The following TNRC18 variants were observed in gnomAD, a reference collection of about 807,000 sequenced individuals.
The protein encoded by TNRC18 is trinucleotide repeat-containing gene 18 protein.
A neutral mutation model predicts 226.7 loss-of-function variants in TNRC18; 69 were observed. That is an observed-to-expected ratio of 0.30 (90% CI 0.25 to 0.37). The LOEUF is 0.37. Ranked by LOEUF, TNRC18 falls within the 10% of genes least tolerant of loss-of-function variation. TNRC18 has a pLI of 1.00. For missense variants in TNRC18, 4,754 were observed against 4,256.6 expected, an observed-to-expected ratio of 1.12 and a Z score of -3.25; for synonymous variants, 2,449 against 1,927.6, an observed-to-expected ratio of 1.27 and a Z score of -7.09.
At chr7:5,390,671 T>C (rs1353645692) in intron 3 of TNRC18, 43 bp from the exon 4 acceptor site, 1 of 1,468,820 alleles carries the variant, frequency 6.8e-7, no homozygotes, top group Non-Finnish European at 9.0e-7. Flanking sequence ...CAATTCGTGC[T>C]GCTCACCAGG....
chr7:5,336,752 A>T (rs1398513236), intron 18 of TNRC18, among the ~76,000 whole-genome samples: 1 of 152,168 alleles, frequency 6.6e-6, no homozygotes, highest in African/African-American at 2.4e-5. Flanking sequence ...AAACAACACA[A>T]AGAAATTATA....
At chr7:5,420,573 C>T (rs1782501358) in intron 2 of TNRC18, 1 of 450,176 alleles carries the variant, frequency 2.2e-6, no homozygotes, top group Middle Eastern at 3.3e-4. Context: ...CATCCCCCGG[C>T]GCTCGGTAAC....
chr7:5,368,644 G>A (rs1313751367), intron 11 of TNRC18, among the ~76,000 whole-genome samples: 4 of 16,120 alleles, frequency 2.5e-4, no homozygotes, highest in Non-Finnish European at 5.0e-4. Flanking sequence ...CAGCCTGGGT[G>A]ACAGAGTGAG....
chr7:5,348,457 C>T (rs1791434840), intron 17 of TNRC18, among the ~76,000 whole-genome samples: 1 of 152,160 alleles, frequency 6.6e-6, no homozygotes, highest in Non-Finnish European at 1.5e-5. Flanking sequence ...GCCAACTCCA[C>T]AGTCTCCTGC....
At chr7:5,375,873 C>T (rs1388463990) in intron 9 of TNRC18, among the ~76,000 whole-genome samples, 161 bp downstream of exon 9, 1 of 152,226 alleles carries the variant, frequency 6.6e-6, no homozygotes, top group East Asian at 1.9e-4. Context: ...CTCCAGGTCT[C>T]GGTTCCACTG....
chr7:5,403,248 C>T (rs1781234557), intron 2 of TNRC18, among the ~76,000 whole-genome samples: 1 of 151,756 alleles, frequency 6.6e-6, no homozygotes, highest in South Asian at 2.1e-4. Flanking sequence ...GCAACCTCTA[C>T]CTCCCGGGTT....
rs991025385 is a variant in TNRC18, at chr7:5,394,381, C to T, written c.343+59G>A. The T allele has an allele frequency of 2.1e-6, 3 of 1,448,374 alleles. No homozygotes were observed. Among genetic ancestry groups the T allele is most frequent in the South Asian group, 1.4e-5 (1 of 70,424 alleles). The allele number at this position is 1,448,374 out of a possible 1,614,324, so 89.7% of individuals were successfully genotyped here. A position where few individuals can be genotyped will look rare whatever the true frequency, so the allele number is the denominator to read the frequency against. ...ACAACAGAGGGGCACATGAAGTGGC[C>T]AGAGTGGCTGGGACGTCAGCCCAGC... On this transcript the variant is annotated intron_variant, in intron 3 of 29. Transcript: ENST00000430969. The surrounding 1 kb of genome is among the most constrained non-coding windows in gnomAD (Gnocchi z 4.5).
At chr7:5,327,134 AAAC>A (rs1562496701) in intron 19 of TNRC18, among the ~76,000 whole-genome samples, 2 of 152,310 alleles carry the variant, frequency 1.3e-5, no homozygotes, top group East Asian at 1.9e-4. Flanking sequence ...AAAAACAAAC[AAAC>A]AACAACAACC....
At position 5,332,682 on chromosome 7, in the gene TNRC18, G is replaced by A. The variant is rs1212370936; in HGVS notation, c.6087C>T (p.Gly2029=). Residue 2029 remains glycine (G), a synonymous_variant, in exon 19 of 30, where the codon GGC becomes GGT. Coordinates refer to ENST00000430969, the MANE Select transcript of TNRC18 (RefSeq NM_001080495.3). Reference sequence around the variant, plus strand: ...CGTCCTTGCGCGGGCTCAGGGGGCCGCCCTTGGCGCAGCGGCTGGTCTTGG... The same window carrying A: ...CGTCCTTGCGCGGGCTCAGGGGGCCACCCTTGGCGCAGCGGCTGGTCTTGG... ...PATKTSRCAK[G]GPLSPRKDAG... 16 of 1,529,690 alleles carry A rather than the reference G, an allele frequency of 1.0e-5. No homozygotes were observed. Among genetic ancestry groups the A allele is most frequent in the East Asian group, 2.5e-5 (1 of 39,360 alleles). The allele number at this position is 1,529,690 out of a possible 1,614,324, so 94.8% of individuals were successfully genotyped here.
In TNRC18 at chr7:5,389,032, G is replaced by A; in HGVS notation, c.792C>T (p.Pro264=). The change falls in exon 5 of 30, where the codon CCC becomes CCT. Residue 264 remains proline, a synonymous_variant. Coordinates refer to ENST00000430969, the MANE Select transcript of TNRC18 (RefSeq NM_001080495.3). ...GPPRLAERLS[P]FLAESKTKNA... is the part of the protein sequence containing the mutation. ...TCTTGGTCTTGGACTCAGCCAGGAA[G>A]GGCGACAGGCGCTCAGCCAGGCGCG... 7.6e-7 allele frequency: 1 copy of A among 1,310,044 alleles called. No homozygotes were observed. Among genetic ancestry groups the A allele is most frequent in the South Asian group, 1.8e-5 (1 of 56,950 alleles). 81.2% of individuals were successfully genotyped at this position (1,310,044 alleles called of 1,614,324 possible). A position where few individuals can be genotyped will look rare whatever the true frequency, so the allele number is the denominator to read the frequency against.
chr7:5,399,768 A>G (rs1297094438), intron 2 of TNRC18, among the ~76,000 whole-genome samples: 2 of 152,132 alleles, frequency 1.3e-5, no homozygotes, highest in East Asian at 1.9e-4. Context: ...CTATAATACC[A>G]GCACTTTGGG....
At chr7:5,310,104 T>C (rs1326588444) in intron 27 of TNRC18, among the ~76,000 whole-genome samples, 1 of 152,180 alleles carries the variant, frequency 6.6e-6, no homozygotes, top group Non-Finnish European at 1.5e-5. Flanking sequence ...GGTCTCACTA[T>C]GTTGCCCAAG....
At position 5,312,749 on chromosome 7, in the gene TNRC18, G is replaced by T; in HGVS notation, c.8142C>A (p.Ala2714=). Residue 2714 remains alanine, a synonymous_variant, in exon 27 of 30, where the codon GCC becomes GCA. Coordinates refer to ENST00000430969, the MANE Select transcript of TNRC18 (RefSeq NM_001080495.3). The surrounding 1 kb of genome is among the most constrained non-coding windows in gnomAD (Gnocchi z 6.3). ...TKQAGKARPS[A]HSPGKKTPAP... ...CGGGCGTCTTCTTGCCTGGGGAGTG[G>T]GCCGAGGGCCGCGCCTTGCCGGCCT... is the stretch of plus-strand genomic sequence containing the variant. 1.3e-6 allele frequency: 2 copies of T among 1,537,058 alleles called. No individual in the cohort carries two copies. The highest frequency in any genetic ancestry group is 8.7e-7 in the Non-Finnish European group (1 of 1,147,804).
rs186455924 is a variant in TNRC18 at position 5,324,670 on chromosome 7, G to C, written c.6301-315C>G. 5.8e-4 allele frequency among the ~76,000 whole-genome samples: 89 copies of C among 152,346 alleles called. No homozygotes were observed. The highest frequency in any genetic ancestry group is 3.4e-3 in the Middle Eastern group (1 of 294). On this transcript the variant is annotated intron_variant, in intron 20 of 29. Coordinates refer to ENST00000430969, the MANE Select transcript of TNRC18 (RefSeq NM_001080495.3). The surrounding 1 kb of genome is among the most constrained non-coding windows in gnomAD (Gnocchi z 4.8). ...CAGGTGCCTCCGTTCCCTTCTTAGA[G>C]AAACTTCAGCAGCATCTCCAGCATT...
rs374586838 is a variant in TNRC18 at position 5,397,532 on chromosome 7, C to T, written c.188-2937G>A. On this transcript the variant is annotated intron_variant, in intron 2 of 29. Transcript: ENST00000430969. ...CAAGGCAGTGCCGTTCTCAGTGCCTCAGTCTGCCACTCTGTAAAATGGACA... is the reference window on the plus strand; with the variant it reads ...CAAGGCAGTGCCGTTCTCAGTGCCTTAGTCTGCCACTCTGTAAAATGGACA... 1.2e-4 allele frequency among the ~76,000 whole-genome samples: 19 copies of T among 152,330 alleles called. No homozygotes were observed. In the East Asian group the frequency reaches 2.9e-3, roughly 23 times the overall value.
Position 5,351,807 on chromosome 7 carries a change from G to A in TNRC18, c.5470+12C>T. The A allele has an allele frequency of 6.4e-7, 1 of 1,566,010 alleles. No individual in the cohort carries two copies. Among genetic ancestry groups the A allele is most frequent in the Non-Finnish European group, 8.6e-7 (1 of 1,157,360 alleles). The stretch of plus-strand genomic sequence containing the variant: ...GAAACACGGAAGGTATTTTGTGTTT[G>A]GAGCTAGTAACCTTGGTCAAACGAT... On this transcript the variant is annotated intron_variant, in intron 17 of 29. Coordinates refer to ENST00000430969, the MANE Select transcript of TNRC18 (RefSeq NM_001080495.3).
chr7:5,313,963 G>GT (rs2128106007), intron 26 of TNRC18, 100 bp from the exon 27 acceptor site: 1 of 1,256,232 alleles, frequency 8.0e-7, no homozygotes, highest in Non-Finnish European at 1.0e-6. Context: ...TTTTGTTTTT[G>GT]TTTTTGTTTT....
At chr7:5,366,525 T>C (rs1793643251) in intron 11 of TNRC18, among the ~76,000 whole-genome samples, 3 of 152,188 alleles carry the variant, frequency 2.0e-5, no homozygotes, top group Middle Eastern at 3.4e-3. Context: ...GGTTTCCCCA[T>C]GTTGGCCAGG....
chr7:5,407,882 AG>A (rs1781583497), intron 2 of TNRC18, among the ~76,000 whole-genome samples: 1 of 152,188 alleles, frequency 6.6e-6, no homozygotes, highest in Admixed American at 6.5e-5. Context: ...CTCCAGAAAA[AG>A]CTAGAAGACA....
Sources: allele counts gnomAD v4.1 joint callset (sites outside exome capture counted in the v4.1 genomes callset), GRCh38; gene constraint gnomAD v4.1.1; non-coding constraint Gnocchi (gnomAD v3.1); transcripts MANE v1.5; gene names NCBI Gene and HGNC (gene_info 2026-07-23, HGNC 2026-07-21).